RPS6KC1: variants seen among roughly 807,000 people sequenced by gnomAD.
RPS6KC1 encodes inactive ribosomal protein S6 kinase delta-1.
Under a neutral mutation model 103.8 loss-of-function variants are expected in RPS6KC1, and 54 were observed. The ratio of observed to expected loss-of-function variants is 0.52; its 90% CI spans 0.42 to 0.65. RPS6KC1 has a LOEUF of 0.65. Ranked by LOEUF, RPS6KC1 falls within the 30% of genes least tolerant of loss-of-function variation. The pLI, the probability that RPS6KC1 is intolerant of heterozygous loss-of-function variation, is 0.00. For synonymous variants in RPS6KC1, 439 were observed against 438.7 expected, an observed-to-expected ratio of 1.00 and a Z score of -0.01; for missense variants, 1,151 against 1,253.8, an observed-to-expected ratio of 0.92 and a Z score of 1.24.
intron 13 of RPS6KC1, 134 bp from the exon 14 acceptor site, chr1:213,262,587 C>T (rs1260251707): frequency 9.1e-6 from 6 of 656,448 alleles, no homozygotes; most frequent in South Asian, 1.8e-5. Context: ...ACTGCTTAGG[C>T]GGCACTGTGT....
the RPS6KC1 span, among the ~76,000 whole-genome samples, chr1:213,728,955 T>TG: frequency 7.1e-6 from 1 of 141,774 alleles, no homozygotes; most frequent in African/African-American, 2.8e-5. Flanking sequence ...TTTGTTTTTT[T>TG]TTTTTTTTTT....
At chr1:213,239,074 CTG>C (rs2094292495) in intron 10 of RPS6KC1, among the ~76,000 whole-genome samples, 1 of 152,012 alleles carries the variant, frequency 6.6e-6, no homozygotes, top group African/African-American at 2.4e-5. Context: ...ATGTGAAACA[CTG>C]AGTATAAAGA....
At chr1:213,151,812 A>G (rs1316622308) in intron 6 of RPS6KC1, among the ~76,000 whole-genome samples, 127 of 60,646 alleles carry the variant, frequency 2.1e-3, no homozygotes, top group Non-Finnish European at 2.8e-3. Flanking sequence ...CGGACGGGGC[A>G]GCTGGCCGGG....
chr1:213,489,666 C>T, the RPS6KC1 span, among the ~76,000 whole-genome samples: 1 of 152,144 alleles, frequency 6.6e-6, no homozygotes, highest in Non-Finnish European at 1.5e-5. Flanking sequence ...GCAGTGGCAA[C>T]TCAGGGAGGC....
the RPS6KC1 span, among the ~76,000 whole-genome samples, chr1:213,670,626 C>T: frequency 3.3e-5 from 5 of 152,136 alleles, no homozygotes; most frequent in African/African-American, 1.2e-4. Flanking sequence ...TCCCCCAGGC[C>T]AGGATAGGGG....
At chr1:213,781,224 T>C in the RPS6KC1 span, among the ~76,000 whole-genome samples, 1 of 152,130 alleles carries the variant, frequency 6.6e-6, no homozygotes, top group African/African-American at 2.4e-5. Flanking sequence ...ACAGAAAAGA[T>C]AAAAGGCAGA....
At chr1:213,427,719 A>T in the RPS6KC1 span, among the ~76,000 whole-genome samples, 1 of 152,234 alleles carries the variant, frequency 6.6e-6, no homozygotes, top group South Asian at 2.1e-4. Context: ...GAATGCAGTC[A>T]AGAAGTCTTT....
the RPS6KC1 span, among the ~76,000 whole-genome samples, chr1:213,749,751 C>G: frequency 6.6e-6 from 1 of 152,152 alleles, no homozygotes; most frequent in African/African-American, 2.4e-5. Flanking sequence ...TAACTGCCAC[C>G]TTTTCTATTC....
At chr1:213,338,622 A>AT in the RPS6KC1 span, among the ~76,000 whole-genome samples, 1 of 152,184 alleles carries the variant, frequency 6.6e-6, no homozygotes, top group South Asian at 2.1e-4. Flanking sequence ...GATGTGGTAC[A>AT]TTGGGAACAA....
At chr1:213,699,430 A>C in the RPS6KC1 span, among the ~76,000 whole-genome samples, 1 of 152,100 alleles carries the variant, frequency 6.6e-6, no homozygotes, top group Non-Finnish European at 1.5e-5. Flanking sequence ...CGTTGTGTAT[A>C]AGTACATTTT....
the RPS6KC1 span, among the ~76,000 whole-genome samples, chr1:213,632,442 C>A: frequency 6.6e-6 from 1 of 152,168 alleles, no homozygotes; most frequent in East Asian, 1.9e-4. Flanking sequence ...AACAGACCTG[C>A]AGCTGAGGCA....
the RPS6KC1 span, among the ~76,000 whole-genome samples, chr1:213,850,496 C>A: frequency 6.6e-6 from 1 of 152,256 alleles, no homozygotes; most frequent in South Asian, 2.1e-4. Context: ...CACTAAAACC[C>A]CCTGTTTTGG....
chr1:213,610,897 G>T, the RPS6KC1 span, among the ~76,000 whole-genome samples: 1 of 152,162 alleles, frequency 6.6e-6, no homozygotes, highest in Non-Finnish European at 1.5e-5. Context: ...ACCCTTTCCT[G>T]TTCTTGAGTC....
chr1:213,356,473 G>A, the RPS6KC1 span, among the ~76,000 whole-genome samples: 1 of 152,060 alleles, frequency 6.6e-6, no homozygotes, highest in Non-Finnish European at 1.5e-5. Flanking sequence ...TGGCCAACAT[G>A]GTGAAACACT....
chr1:213,270,924 A>T (rs1385665678), intron 14 of RPS6KC1, among the ~76,000 whole-genome samples: 2 of 152,220 alleles, frequency 1.3e-5, no homozygotes, highest in Admixed American at 1.3e-4. Context: ...TATCAAAATG[A>T]CAGTACCAAG....
At chr1:213,791,894 C>T in the RPS6KC1 span, among the ~76,000 whole-genome samples, 4 of 152,216 alleles carry the variant, frequency 2.6e-5, no homozygotes, top group Non-Finnish European at 5.9e-5. Context: ...CCAACCCTGA[C>T]GTTAATACCT....
At chr1:213,263,481 C>T (rs1320401744) in intron 14 of RPS6KC1, among the ~76,000 whole-genome samples, 1 of 152,166 alleles carries the variant, frequency 6.6e-6, no homozygotes. Flanking sequence ...TCTGGTGTGA[C>T]AGGCCCATTG....
At chr1:213,197,126 C>T (rs946772254) in intron 8 of RPS6KC1, among the ~76,000 whole-genome samples, 22 of 152,176 alleles carry the variant, frequency 1.4e-4, no homozygotes, top group South Asian at 6.2e-4. Flanking sequence ...CATGAGCCAC[C>T]GTGCCCGGCC....
the RPS6KC1 span, among the ~76,000 whole-genome samples, chr1:213,646,096 T>C: frequency 1.3e-5 from 2 of 152,214 alleles, no homozygotes; most frequent in Non-Finnish European, 2.9e-5. Flanking sequence ...AAATGTTGTG[T>C]ATATTTTAAA....
Sources: gnomAD v4.1 joint callset for allele counts (sites outside exome capture counted in the v4.1 genomes callset) on GRCh38, gnomAD v4.1.1 for gene constraint, MANE v1.5 for transcripts, NCBI Gene and HGNC (gene_info 2026-07-23, HGNC 2026-07-21) for gene names.